The following ZKSCAN5 variants were observed in gnomAD, a reference collection of about 807,000 sequenced individuals.
ZKSCAN5 encodes the protein zinc finger with KRAB and SCAN domains 5.
A neutral mutation model predicts 60.0 loss-of-function variants in ZKSCAN5; 28 were observed. That is an observed-to-expected ratio of 0.47 (90% CI 0.35 to 0.64). ZKSCAN5 has a LOEUF of 0.64. Among genes scored for constraint, ZKSCAN5 ranks in the 30% least tolerant of loss-of-function variants. ZKSCAN5 has a pLI of 0.01. For missense variants in ZKSCAN5, 881 were observed against 1,034.6 expected, an observed-to-expected ratio of 0.85 and a Z score of 2.04; for synonymous variants, 361 against 371.2, an observed-to-expected ratio of 0.97 and a Z score of 0.31.
chr7:99,526,063 T>A lies in ZKSCAN5; in HGVS notation c.1023T>A (p.His341Gln). ...ACATCAGCCCTAAGCAAAGCACACA[T>A]GGCGAGAGAGGGCACAGATGCAGCG... ...ITDISPKQST[H>Q]GERGHRCSDC... The change falls in exon 6 of 7, where the codon CAT (histidine) becomes CAA (glutamine). Residue 341 changes from histidine to glutamine, a missense_variant. Coordinates refer to ENST00000326775, the MANE Select transcript of ZKSCAN5 (RefSeq NM_145102.4). 1 of 1,614,164 alleles carries A rather than the reference T, an allele frequency of 6.2e-7. No homozygotes were observed. Among genetic ancestry groups the A allele is most frequent in the East Asian group, 2.2e-5 (1 of 44,872 alleles).
intron 2 of ZKSCAN5, among the ~76,000 whole-genome samples, chr7:99,506,769 G>A (rs1483559877): frequency 6.6e-6 from 1 of 151,940 alleles, no homozygotes; most frequent in East Asian, 1.9e-4. Flanking sequence ...TGCAAGCTCC[G>A]CCTCCCGGGT....
intron 3 of ZKSCAN5, among the ~76,000 whole-genome samples, chr7:99,517,015 C>T (rs1385533019): frequency 6.6e-6 from 1 of 152,174 alleles, no homozygotes; most frequent in African/African-American, 2.4e-5. Flanking sequence ...AATACACAAA[C>T]ACTAACCATA....
At chr7:99,513,048 G>A (rs984194700) in intron 3 of ZKSCAN5, among the ~76,000 whole-genome samples, 2 of 135,612 alleles carry the variant, frequency 1.5e-5, no homozygotes, top group Non-Finnish European at 3.0e-5. Context: ...TCATTGTTCA[G>A]TTCCCACCTA....
At chr7:99,508,536 G>A (rs1054008077) in intron 2 of ZKSCAN5, among the ~76,000 whole-genome samples, 1 of 151,836 alleles carries the variant, frequency 6.6e-6, no homozygotes, top group African/African-American at 2.4e-5. Flanking sequence ...GGTGGATCAT[G>A]GGGTCAGATC....
At position 99,508,621 on chromosome 7, in the gene ZKSCAN5, C is replaced by T. The variant is rs567584894; in HGVS notation, c.414+2163C>T. ...AAAATTAGCTGGGTGTGGTGGCATG[C>T]ACCTGTAGTCTCAGCTACTTGGGAG... On this transcript the variant is annotated intron_variant, in intron 2 of 6. Transcript: ENST00000326775. 3.4e-3 allele frequency among the ~76,000 whole-genome samples: 514 copies of T among 151,710 alleles called. 2 individuals carry two copies. Among genetic ancestry groups the T allele is most frequent in the South Asian group, 0.01 (50 of 4,788 alleles).
rs534546850 is a variant in ZKSCAN5 at position 99,526,557 on chromosome 7, C to T, written c.1378+139C>T. On this transcript the variant is annotated intron_variant, in intron 6 of 6. Coordinates refer to ENST00000326775, the MANE Select transcript of ZKSCAN5 (RefSeq NM_145102.4). ...GGCAAAGGTTATCGTTTATTTGGTT[C>T]TTATGTATTTATTTTTTGAGACAGT... 3 of 1,396,328 alleles carry T rather than the reference C, an allele frequency of 2.1e-6. No homozygotes were observed. In the East Asian group the frequency reaches 6.9e-5, roughly 32 times the overall value. 86.5% of individuals were successfully genotyped at this position (1,396,328 alleles called of 1,614,324 possible).
In ZKSCAN5 at chr7:99,532,617, G is replaced by A. The variant is rs1178807195; in HGVS notation, c.*368G>A. The A allele has an allele frequency of 5.5e-6, 1 of 180,982 alleles. No homozygotes were observed. Among genetic ancestry groups the A allele is most frequent in the African/African-American group, 2.4e-5 (1 of 42,300 alleles). The allele number at this position is 180,982 out of a possible 1,614,324, so 11.2% of individuals were successfully genotyped here. On this transcript the variant is annotated 3_prime_UTR_variant, in exon 7 of 7. Transcript: ENST00000326775. ...TCAGTAGAAGTAAGCTTTATTTGTAGCTTCTGCCTTGTTTGACGGCGTATC... is the reference window on the plus strand; with the variant it reads ...TCAGTAGAAGTAAGCTTTATTTGTAACTTCTGCCTTGTTTGACGGCGTATC...
chr7:99,526,134 G>A lies in ZKSCAN5; in HGVS notation c.1094G>A (p.Arg365Gln), dbSNP rs754830739. The stretch of plus-strand genomic sequence containing the variant: ...CAAGCCTCAAACTTTATTCAGCATC[G>A]GCGCATCCACACTGGAGAAAAACCG... ...FLQASNFIQH[R>Q]RIHTGEKPFK... The change falls in exon 6 of 7, where the codon CGG (arginine) becomes CAG (glutamine). Residue 365 changes from arginine (R) to glutamine (Q), a missense_variant. Arg to Gln is a conservative substitution (Grantham distance 43, BLOSUM62 1). Transcript: ENST00000326775. 8 of 1,614,142 alleles carry A rather than the reference G, an allele frequency of 5.0e-6. No individual in the cohort carries two copies. The highest frequency in any genetic ancestry group is 1.1e-5 in the South Asian group (1 of 91,080).
At position 99,526,147 on chromosome 7, in the gene ZKSCAN5, T is replaced by G; in HGVS notation, c.1107T>G (p.Thr369=). 6.2e-7 allele frequency: 1 copy of G among 1,614,166 alleles called. No homozygotes were observed. The highest frequency in any genetic ancestry group is 8.5e-7 in the Non-Finnish European group (1 of 1,180,036). Residue 369 remains threonine, a synonymous_variant, in exon 6 of 7, where the codon ACT becomes ACG. Transcript: ENST00000326775. The part of the protein sequence containing the change: ...SNFIQHRRIH[T]GEKPFKCGEC... ...TTATTCAGCATCGGCGCATCCACAC[T>G]GGAGAAAAACCGTTTAAGTGCGGAG...
intron 2 of ZKSCAN5, among the ~76,000 whole-genome samples, chr7:99,510,995 C>T (rs1422791041): frequency 6.6e-6 from 1 of 152,212 alleles, no homozygotes; most frequent in Non-Finnish European, 1.5e-5. Flanking sequence ...CCACCCGCTT[C>T]TGCCTCCCAA....
chr7:99,531,894 G>C lies in ZKSCAN5; in HGVS notation c.2165G>C (p.Cys722Ser), dbSNP rs972837568. ...GAGCAGCCTTATCAGTGTGATATCT[G>C]TGGAAAAGCCTTTGGTTATAGCTCA... ...LQEQPYQCDICGKAFGYSSDL... is the reference protein window; with the variant it reads ...LQEQPYQCDISGKAFGYSSDL... The change falls in exon 7 of 7, where the codon TGT becomes TCT. Residue 722 changes from cysteine to serine, a missense_variant. Cys to Ser is a moderately radical substitution (Grantham distance 112). Coordinates refer to ENST00000326775, the MANE Select transcript of ZKSCAN5 (RefSeq NM_145102.4). The C allele has an allele frequency of 1.2e-6, 2 of 1,614,000 alleles. No individual in the cohort carries two copies. The highest frequency in any genetic ancestry group is 2.7e-5 in the African/African-American group (2 of 74,912).
intron 5 of ZKSCAN5, among the ~76,000 whole-genome samples, chr7:99,523,105 A>C (rs1368485637): frequency 7.0e-6 from 1 of 142,950 alleles, no homozygotes; most frequent in Non-Finnish European, 1.5e-5. Context: ...TGAAGGTTGC[A>C]GTGAGCTGAG....
In ZKSCAN5 at chr7:99,526,017, G is replaced by C. The variant is rs754955299; in HGVS notation, c.977G>C (p.Arg326Thr). 18 of 1,614,022 alleles carry C rather than the reference G, an allele frequency of 1.1e-5. No homozygotes were observed. The highest frequency in any genetic ancestry group is 1.6e-4 in the Middle Eastern group (1 of 6,084). ...GKSRQNPSQK[R>T]DLDAITDISP... ...TCAAGGCAGAATCCTTCCCAGAAAA[G>C]GGATCTGGATGCAATCACAGACATC... Residue 326 changes from arginine (R) to threonine (T), a missense_variant, in exon 6 of 7, where the codon AGG (arginine) becomes ACG (threonine). Coordinates refer to ENST00000326775, the MANE Select transcript of ZKSCAN5 (RefSeq NM_145102.4).
intron 3 of ZKSCAN5, among the ~76,000 whole-genome samples, chr7:99,517,589 G>A (rs1302453130): frequency 1.3e-5 from 2 of 152,160 alleles, no homozygotes; most frequent in Admixed American, 6.5e-5. Context: ...GCTGAGGCAG[G>A]AGACTCTCTT....
In ZKSCAN5 at chr7:99,531,430, T is replaced by C; in HGVS notation, c.1701T>C (p.His567=). Residue 567 remains histidine (H), a synonymous_variant, in exon 7 of 7, where the codon CAT becomes CAC. Coordinates refer to ENST00000326775, the MANE Select transcript of ZKSCAN5 (RefSeq NM_145102.4). ...SFIQSAHLIQ[H]QRIHTGEKPF... ...TTCAGAGTGCACATCTTATTCAACA[T>C]CAAAGAATACACACTGGGGAGAAAC... The C allele has an allele frequency of 6.2e-7, 1 of 1,614,088 alleles. No homozygotes were observed.
Position 99,531,147 on chromosome 7 carries a change from A to G in ZKSCAN5, c.1418A>G (p.Lys473Arg), listed in dbSNP as rs552878494. ...AGTAAGAACACAAAATTAAGTGTTA[A>G]GAAGAAAATTTCAGAATATTCAGAA... The part of the protein sequence containing the change: ...KRSKNTKLSV[K>R]KKISEYSEAD... Residue 473 changes from lysine (K) to arginine (R), a missense_variant, in exon 7 of 7, where the codon AAG becomes AGG. Transcript: ENST00000326775. 1 of 1,602,766 alleles carries G rather than the reference A, an allele frequency of 6.2e-7. No homozygotes were observed. Among genetic ancestry groups the G allele is most frequent in the East Asian group, 2.2e-5 (1 of 44,840 alleles).
intron 5 of ZKSCAN5, 67 bp downstream of exon 5, chr7:99,520,371 G>T: frequency 6.7e-7 from 1 of 1,491,418 alleles, no homozygotes; most frequent in Non-Finnish European, 8.9e-7. Context: ...GAGTATTTCT[G>T]GCTCATCTTA....
chr7:99,506,125 A>G lies in ZKSCAN5; in HGVS notation c.81A>G (p.Ile27Met), dbSNP rs935266035. ...ETSQEQEDLFIVKVEEEDCTW... is the reference protein window; with the variant it reads ...ETSQEQEDLFMVKVEEEDCTW... ...CCCAGGAGCAGGAAGACCTTTTCAT[A>G]GTGAAGGTGGAAGAAGAAGACTGCA... The change falls in exon 2 of 7, where the codon ATA becomes ATG. Residue 27 changes from isoleucine to methionine, a missense_variant. Ile to Met is a conservative substitution (Grantham distance 10). Transcript: ENST00000326775. The G allele has an allele frequency of 4.3e-6, 7 of 1,614,128 alleles. No individual in the cohort carries two copies. The highest frequency in any genetic ancestry group is 1.3e-5 in the African/African-American group (1 of 75,022).
At position 99,526,183 on chromosome 7, in the gene ZKSCAN5, G is replaced by T. The variant is rs146278315; in HGVS notation, c.1143G>T (p.Lys381Asn). 6.2e-7 allele frequency: 1 copy of T among 1,614,102 alleles called. No homozygotes were observed. Among genetic ancestry groups the T allele is most frequent in the African/African-American group, 1.3e-5 (1 of 74,940 alleles). The change falls in exon 6 of 7, where the codon AAG (lysine) becomes AAT (asparagine). Residue 381 changes from lysine to asparagine, a missense_variant. By Grantham distance (94) the Lys-to-Asn change is moderately conservative. This residue lies in a region of ZKSCAN5 where 490 missense variants were observed against 554.5 expected (regional missense o/e 0.88). Coordinates refer to ENST00000326775, the MANE Select transcript of ZKSCAN5 (RefSeq NM_145102.4). Reference protein sequence around the residue: ...EKPFKCGECGKSYNQRVHLTQ... With the variant: ...EKPFKCGECGNSYNQRVHLTQ... Reference sequence around the variant, plus strand: ...CGTTTAAGTGCGGAGAATGTGGGAAGAGCTACAATCAGCGGGTGCACCTCA... The same window carrying T: ...CGTTTAAGTGCGGAGAATGTGGGAATAGCTACAATCAGCGGGTGCACCTCA...
Sources: gnomAD v4.1 joint callset for allele counts (sites outside exome capture counted in the v4.1 genomes callset) on GRCh38, gnomAD v4.1.1 for gene constraint, gnomAD v4.1.1 regional missense constraint, MANE v1.5 for transcripts, NCBI Gene and HGNC (gene_info 2026-07-23, HGNC 2026-07-21) for gene names.